The following ACAN variants were observed in gnomAD, a reference collection of about 807,000 sequenced individuals.
The protein encoded by ACAN is aggrecan core protein.
ACAN carries 47 observed loss-of-function variants against 169.1 expected under a neutral mutation model. That is an observed-to-expected ratio of 0.28 (90% confidence interval 0.22 to 0.35). The LOEUF (loss-of-function observed/expected upper bound fraction) is 0.35. ACAN is among the 10% of genes least tolerant of loss of function. The pLI, the probability that ACAN is intolerant of heterozygous loss-of-function variation, is 1.00. For missense variants in ACAN, 2,716 were observed against 2,759.9 expected, an observed-to-expected ratio of 0.98 and a Z score of 0.36; for synonymous variants, 1,115 against 1,112.2, an observed-to-expected ratio of 1.00 and a Z score of -0.05.
Position 88,874,288 on chromosome 15 carries a change from C to T in ACAN, c.7631-117C>T, listed in dbSNP as rs1897458333. On this transcript the variant is annotated intron_variant, in intron 18 of 18. Transcript: ENST00000560601. This position sits in a 1 kb window ranked among gnomAD's most constrained non-coding sequence, Gnocchi z 7.3. ...TCCAAATCAGGAAAGCCGATAAAGC[C>T]TCAGGCGCCTGAGTCCTGGTTTCCA... The T allele has an allele frequency of 7.9e-6, 9 of 1,142,510 alleles. No individual in the cohort carries two copies. In the Admixed American group the frequency reaches 1.8e-4, roughly 23 times the overall value. 70.8% of individuals were successfully genotyped at this position (1,142,510 alleles called of 1,614,324 possible).
intron 1 of ACAN, among the ~76,000 whole-genome samples, chr15:88,817,373 A>T (rs1895967259): frequency 6.6e-6 from 1 of 151,874 alleles, no homozygotes. Flanking sequence ...TGCTCTCCTG[A>T]CCTCATGAGC....
At chr15:88,825,711 G>C (rs1406629344) in intron 1 of ACAN, among the ~76,000 whole-genome samples, 3 of 152,204 alleles carry the variant, frequency 2.0e-5, no homozygotes, top group African/African-American at 7.2e-5. Flanking sequence ...TCACGACAGA[G>C]AGGCCAGAGA....
chr15:88,842,637 G>C (rs972691295), intron 5 of ACAN, among the ~76,000 whole-genome samples: 1 of 152,168 alleles, frequency 6.6e-6, no homozygotes, highest in Non-Finnish European at 1.5e-5. Flanking sequence ...GCCCCCTGCC[G>C]CATTCCCACC....
rs765214022 is a variant in ACAN, at chr15:88,849,801, C to T, written c.2026+70C>T. The T allele has an allele frequency of 1.3e-6, 2 of 1,554,582 alleles. No homozygotes were observed. The highest frequency in any genetic ancestry group is 2.7e-5 in the African/African-American group (2 of 73,434). ...AGGACCCCACTGGGTTCACCGGATC[C>T]TGCCACCACCCAGTATCCCATCCAT... On this transcript the variant is annotated intron_variant, in intron 10 of 18. Transcript: ENST00000560601. The surrounding 1 kb of genome is among the most constrained non-coding windows in gnomAD (Gnocchi z 5.1).
At position 88,847,908 on chromosome 15, in the gene ACAN, C is replaced by A; in HGVS notation, c.1605-3C>A. On this transcript the variant is annotated splice_polypyrimidine_tract_variant and splice_region_variant and intron_variant, in intron 8 of 18. Transcript: ENST00000560601. ...CATCTTCTCCTCCCACTCTCCTTTG[C>A]AGATACCCCATTGTGAGCCCCCGGA... The A allele has an allele frequency of 6.2e-7, 1 of 1,613,444 alleles. No individual in the cohort carries two copies. The highest frequency in any genetic ancestry group is 8.5e-7 in the Non-Finnish European group (1 of 1,179,544).
At chr15:88,852,127 G>A (rs1391254542) in intron 11 of ACAN, 94 bp downstream of exon 11, 3 of 1,477,418 alleles carry the variant, frequency 2.0e-6, no homozygotes, top group Non-Finnish European at 2.7e-6. Context: ...TCCCTCCCTG[G>A]GATTTGTGCT....
At chr15:88,817,903 A>T (rs1895982615) in intron 1 of ACAN, among the ~76,000 whole-genome samples, 1 of 151,994 alleles carries the variant, frequency 6.6e-6, no homozygotes, top group African/African-American at 2.4e-5. Context: ...AAGAAAAAAT[A>T]AAAATATACT....
rs757229334 is a variant in ACAN at position 88,858,232 on chromosome 15, G to T, written c.5647G>T (p.Asp1883Tyr). The part of the protein sequence containing the change: ...DVSGQFSGTV[D>Y]SSGFTSQTPE... ...CAGTGGACAGTTTTCTGGAACAGTC[G>T]ATTCCAGTGGGTTTACATCCCAGAC... Residue 1883 changes from aspartate to tyrosine, a missense_variant, in exon 12 of 19, where the codon GAT becomes TAT. Coordinates refer to ENST00000560601, the MANE Select transcript of ACAN (RefSeq NM_001369268.1). This position sits in a 1 kb window ranked among gnomAD's most constrained non-coding sequence, Gnocchi z 4.0. The T allele has an allele frequency of 1.2e-6, 2 of 1,613,914 alleles. No homozygotes were observed. Among genetic ancestry groups the T allele is most frequent in the Non-Finnish European group, 1.7e-6 (2 of 1,179,892 alleles).
intron 1 of ACAN, among the ~76,000 whole-genome samples, chr15:88,822,285 C>A (rs1896096177): frequency 6.6e-6 from 1 of 152,186 alleles, no homozygotes; most frequent in South Asian, 2.1e-4. Context: ...CTCCTGGCAG[C>A]CAGGGTCAAG....
At chr15:88,845,475 G>C in intron 6 of ACAN, 30 bp from the exon 7 acceptor site, 2 of 1,571,402 alleles carry the variant, frequency 1.3e-6, no homozygotes, top group South Asian at 1.2e-5. Context: ...CAGGCTGAGA[G>C]GCTAAAGCTT....
Position 88,868,263 on chromosome 15 carries a change from G to A in ACAN, c.6994G>A (p.Val2332Met), listed in dbSNP as rs900131357. The A allele has an allele frequency of 2.8e-5, 20 of 702,686 alleles. No individual in the cohort carries two copies. Among genetic ancestry groups the A allele is most frequent in the East Asian group, 1.3e-4 (5 of 37,298 alleles). 43.5% of individuals were successfully genotyped at this position (702,686 alleles called of 1,614,324 possible). ...SSPCLNGATCVDAIDSFTCLC... is the reference protein window; with the variant it reads ...SSPCLNGATCMDAIDSFTCLC... Reference sequence around the variant, plus strand: ...CCCTTGTCTGAATGGAGCCACCTGCGTGGATGCCATCGACTCTTTCACATG... The same window carrying A: ...CCCTTGTCTGAATGGAGCCACCTGCATGGATGCCATCGACTCTTTCACATG... Residue 2332 changes from valine (V) to methionine (M), a missense_variant, in exon 14 of 19, where the codon GTG becomes ATG. Around this residue, in one of 3 missense-constraint regions of ACAN, gnomAD observed 1,389 missense variants for 1,363.7 expected, o/e 1.02. Coordinates refer to ENST00000560601, the MANE Select transcript of ACAN (RefSeq NM_001369268.1). This position sits in a 1 kb window ranked among gnomAD's most constrained non-coding sequence, Gnocchi z 5.2.
At position 88,840,007 on chromosome 15, in the gene ACAN, T is replaced by C; in HGVS notation, c.455-5T>C. 1 of 1,596,532 alleles carries C rather than the reference T, an allele frequency of 6.3e-7. No individual in the cohort carries two copies. ...TCCGCTTGTGGGCGTGTATGTGTCT[T>C]GCAGGCATCGTGTTCCATTACAGAG... is the stretch of plus-strand genomic sequence containing the variant. On this transcript the variant is annotated splice_region_variant and splice_polypyrimidine_tract_variant and intron_variant, in intron 3 of 18. Transcript: ENST00000560601.
chr15:88,836,772 G>A (rs539391892), intron 2 of ACAN, among the ~76,000 whole-genome samples: 8 of 152,360 alleles, frequency 5.3e-5, no homozygotes, highest in East Asian at 1.9e-4. Flanking sequence ...GCCTGGTCTC[G>A]TGCATGTGGA....
At chr15:88,822,157 C>T (rs1008893951) in intron 1 of ACAN, among the ~76,000 whole-genome samples, 1 of 152,216 alleles carries the variant, frequency 6.6e-6, no homozygotes, top group African/African-American at 2.4e-5. Context: ...GTTGATACCT[C>T]GTGCCCCAAG....
intron 1 of ACAN, among the ~76,000 whole-genome samples, chr15:88,817,766 A>C (rs781737638): frequency 8.5e-5 from 12 of 140,650 alleles, no homozygotes; most frequent in South Asian, 7.6e-4. Context: ...AGGTGGGAGG[A>C]TTGCTTGAGC....
At chr15:88,825,900 A>G (rs1009994938) in intron 1 of ACAN, among the ~76,000 whole-genome samples, 5 of 152,188 alleles carry the variant, frequency 3.3e-5, no homozygotes. Context: ...TTGTTTGACT[A>G]GCATCCGCCT....
At position 88,847,283 on chromosome 15, in the gene ACAN, G is replaced by T; in HGVS notation, c.1470G>T (p.Ser490=). Residue 490 remains serine, a synonymous_variant, in exon 8 of 19, where the codon TCG becomes TCT. Transcript: ENST00000560601. ...ACCGCCCGGGACCCACCCGCTACTC[G>T]CTGACCTTTGAGGAGGCACAGCAGG... The part of the protein sequence containing the change: ...FHYRPGPTRY[S]LTFEEAQQAC... 1 of 1,569,038 alleles carries T rather than the reference G, an allele frequency of 6.4e-7. No individual in the cohort carries two copies.
Position 88,807,768 on chromosome 15 carries a change from G to GTGTT in ACAN, c.-8+3962_-8+3963insTTGT, listed in dbSNP as rs1389139778. On this transcript the variant is annotated intron_variant, in intron 1 of 18. Transcript: ENST00000560601. This position sits in a 1 kb window ranked among gnomAD's most constrained non-coding sequence, Gnocchi z 4.0. ...GTGGAGTGTGTGTGTGTGTGTGTGTGTGTGTGTGTGTGTGTGTGCATGCTG... is the reference window on the plus strand; with the variant it reads ...GTGGAGTGTGTGTGTGTGTGTGTGTGTGTTTGTGTGTGTGTGTGTGTGCATGCTG... Among the ~76,000 whole-genome samples, 2 of 151,792 alleles carry GTGTT rather than the reference G, an allele frequency of 1.3e-5. No homozygotes were observed. Among genetic ancestry groups the GTGTT allele is most frequent in the African/African-American group, 2.4e-5 (1 of 41,322 alleles).
Position 88,845,532 on chromosome 15 carries a change from A to T in ACAN, c.1079A>T (p.Asn360Ile), listed in dbSNP as rs1296678557. Residue 360 changes from asparagine to isoleucine, a missense_variant, in exon 7 of 19, where the codon AAC becomes ATC. Asn to Ile is a moderately radical substitution (Grantham distance 149, BLOSUM62 -3). Coordinates refer to ENST00000560601, the MANE Select transcript of ACAN (RefSeq NM_001369268.1). ...TGEDFVDIPE[N>I]FFGVGGEEDI... ...GAAGACTTTGTGGACATCCCAGAAA[A>T]CTTCTTTGGAGTGGGGGGTGAGGAG... The T allele has an allele frequency of 6.2e-7, 1 of 1,610,916 alleles. No individual in the cohort carries two copies. The highest frequency in any genetic ancestry group is 8.5e-7 in the Non-Finnish European group (1 of 1,177,788).
Sources: gnomAD v4.1 joint callset for allele counts (sites outside exome capture counted in the v4.1 genomes callset) on GRCh38, gnomAD v4.1.1 for gene constraint, gnomAD v4.1.1 regional missense constraint, Gnocchi (gnomAD v3.1) non-coding constraint, MANE v1.5 for transcripts, NCBI Gene and HGNC (gene_info 2026-07-23, HGNC 2026-07-21) for gene names.